Variants in DGKG observed in about 807,000 individuals in gnomAD.
DGKG encodes the protein diacylglycerol kinase gamma, also known as DAG kinase gamma.
A neutral mutation model predicts 105.3 loss-of-function variants in DGKG; 78 were observed. That is an observed-to-expected ratio of 0.74 (90% CI 0.62 to 0.89). The LOEUF (loss-of-function observed/expected upper bound fraction) is 0.89, where lower values mean the gene tolerates loss of function less well. Ranked by LOEUF, DGKG falls within the 40% of genes least tolerant of loss-of-function variation. DGKG has a pLI of 0.00. For missense variants in DGKG, 958 were observed against 1,020.1 expected, an observed-to-expected ratio of 0.94 and a Z score of 0.83; for synonymous variants, 346 against 367.1, an observed-to-expected ratio of 0.94 and a Z score of 0.66.
At chr3:186,193,264 GCT>G (rs1319754022) in intron 21 of DGKG, among the ~76,000 whole-genome samples, 3 of 152,220 alleles carry the variant, frequency 2.0e-5, no homozygotes, top group African/African-American at 7.2e-5. Flanking sequence ...TTAAATCTTG[GCT>G]CTGTCACTTG....
At chr3:186,311,619 T>C (rs1336160938) in intron 2 of DGKG, among the ~76,000 whole-genome samples, 1 of 152,182 alleles carries the variant, frequency 6.6e-6, no homozygotes, top group African/African-American at 2.4e-5. Flanking sequence ...CCAAGCACTG[T>C]TCCTAGTGTT....
intron 19 of DGKG, 67 bp from the exon 20 acceptor site, chr3:186,242,635 G>C: frequency 7.3e-7 from 1 of 1,378,510 alleles, no homozygotes; most frequent in South Asian, 1.3e-5. Context: ...GGAGGGAAGG[G>C]ACGCACGCAT....
intron 19 of DGKG, among the ~76,000 whole-genome samples, chr3:186,244,422 T>TTTTA (rs1720840147): frequency 6.6e-6 from 1 of 151,276 alleles, no homozygotes; most frequent in African/African-American, 2.4e-5. Context: ...TTTTTTTTTT[T>TTTTA]GAGATAGAGT....
At chr3:186,292,969 A>G (rs1433131767) in intron 5 of DGKG, among the ~76,000 whole-genome samples, 1 of 152,196 alleles carries the variant, frequency 6.6e-6, no homozygotes, top group Non-Finnish European at 1.5e-5. Context: ...TTTTAAAAAC[A>G]CATTTTTTAG....
In DGKG at chr3:186,353,168, G is replaced by C. The variant is rs1476849745; in HGVS notation, c.-249+8778C>G. Among the ~76,000 whole-genome samples the C allele has an allele frequency of 2.6e-5, 4 of 152,082 alleles. No individual in the cohort carries two copies. The East Asian group carries it at 7.7e-4, about 29-fold the overall frequency. Reference sequence around the variant, plus strand: ...TCATCTACTCCAGAGCGTATTACCTGATTTCCTAGGTCCAATACCTTCCCA... The same window carrying C: ...TCATCTACTCCAGAGCGTATTACCTCATTTCCTAGGTCCAATACCTTCCCA... On this transcript the variant is annotated intron_variant, in intron 1 of 24. Transcript: ENST00000265022.
chr3:186,325,945 C>T (rs977938563), intron 1 of DGKG, among the ~76,000 whole-genome samples: 1 of 152,270 alleles, frequency 6.6e-6, no homozygotes, highest in South Asian at 2.1e-4. Flanking sequence ...AGGCTCATCT[C>T]GTACTTCCTC....
intron 24 of DGKG, among the ~76,000 whole-genome samples, chr3:186,152,073 C>T (rs1163285723): frequency 1.3e-5 from 2 of 151,374 alleles, no homozygotes; most frequent in Non-Finnish European, 2.9e-5. Flanking sequence ...AGAGAGACTC[C>T]ATCTCAAAAA....
At chr3:186,297,944 A>G in intron 4 of DGKG, 120 bp downstream of exon 4, 1 of 1,183,076 alleles carries the variant, frequency 8.5e-7, no homozygotes, top group Non-Finnish European at 1.2e-6. Context: ...CCCTTGGTTC[A>G]TGTTCGCACC....
At chr3:186,270,618 T>C (rs1259740699) in intron 11 of DGKG, among the ~76,000 whole-genome samples, 1 of 152,184 alleles carries the variant, frequency 6.6e-6, no homozygotes, top group African/African-American at 2.4e-5. Flanking sequence ...ATGGCCACAA[T>C]TGAATTTGCT....
At chr3:186,167,837 A>G (rs1288788987) in intron 22 of DGKG, among the ~76,000 whole-genome samples, 1 of 152,214 alleles carries the variant, frequency 6.6e-6, no homozygotes, top group Non-Finnish European at 1.5e-5. Flanking sequence ...TCAGTGCCAG[A>G]CACTGTCTTG....
intron 5 of DGKG, among the ~76,000 whole-genome samples, chr3:186,295,133 T>C (rs1337924743): frequency 6.6e-6 from 1 of 152,214 alleles, no homozygotes; most frequent in Non-Finnish European, 1.5e-5. Context: ...AGAAACTCTC[T>C]CTTCAAGGTC....
chr3:186,290,943 CCCA>C (rs1247678967), intron 5 of DGKG, among the ~76,000 whole-genome samples: 2 of 152,180 alleles, frequency 1.3e-5, no homozygotes, highest in African/African-American at 4.8e-5. Flanking sequence ...AATGCCTATT[CCCA>C]CCAACCAGGG....
At chr3:186,168,575 G>T (rs532049597) in intron 22 of DGKG, among the ~76,000 whole-genome samples, 18 of 152,208 alleles carry the variant, frequency 1.2e-4, no homozygotes, top group African/African-American at 4.3e-4. Context: ...GGCCAGGCAT[G>T]GTGGCTCACG....
intron 8 of DGKG, among the ~76,000 whole-genome samples, 176 bp from the exon 9 acceptor site, chr3:186,280,149 C>A (rs1722764283): frequency 6.6e-6 from 1 of 152,214 alleles, no homozygotes; most frequent in South Asian, 2.1e-4. Context: ...CCAGGTCTGG[C>A]TCTGCCCTTG....
chr3:186,329,786 C>G (rs1026051846), intron 1 of DGKG, among the ~76,000 whole-genome samples: 2 of 152,200 alleles, frequency 1.3e-5, no homozygotes, highest in East Asian at 3.9e-4. Context: ...AAGATGCCCT[C>G]TTTAATTGCC....
At chr3:186,307,603 G>C (rs1228221264) in intron 2 of DGKG, among the ~76,000 whole-genome samples, 1 of 152,158 alleles carries the variant, frequency 6.6e-6, no homozygotes, top group Non-Finnish European at 1.5e-5. Flanking sequence ...TGCCTATCTT[G>C]CTCATCTCCT....
rs1445057684 is a variant in DGKG, at chr3:186,354,674, G to A, written c.-249+7272C>T. Among the ~76,000 whole-genome samples the A allele has an allele frequency of 3.3e-5, 5 of 152,268 alleles. No homozygotes were observed. In the East Asian group the frequency reaches 9.6e-4, roughly 29 times the overall value. ...TTTCTCTTACACATCATGATTCCAG[G>A]AAAGAATCTTTAACTTTCACTGAAG... On this transcript the variant is annotated intron_variant, in intron 1 of 24. Transcript: ENST00000265022.
chr3:186,280,617 C>G, intron 8 of DGKG, 53 bp downstream of exon 8: 4 of 1,395,564 alleles, frequency 2.9e-6, no homozygotes, highest in Non-Finnish European at 4.1e-6. Context: ...AGTGTGTCCC[C>G]CTCCCGTCTT....
intron 2 of DGKG, among the ~76,000 whole-genome samples, chr3:186,312,933 T>C (rs577623933): frequency 2.0e-5 from 3 of 152,218 alleles, no homozygotes; most frequent in Non-Finnish European, 2.9e-5. Flanking sequence ...ATCTAAACTT[T>C]GTTTCTGCTC....
Sources: gnomAD v4.1 joint callset for allele counts (sites outside exome capture counted in the v4.1 genomes callset) on GRCh38, gnomAD v4.1.1 for gene constraint, MANE v1.5 for transcripts, NCBI Gene and HGNC (gene_info 2026-07-23, HGNC 2026-07-21) for gene names.